PRTG: variants seen among roughly 807,000 people sequenced by gnomAD.
The protein encoded by PRTG is immunoglobulin superfamily, DCC subclass, member 5.
In PRTG, 67 loss-of-function variants were observed where a neutral mutation model predicts 122.5. The ratio of observed to expected loss-of-function variants is 0.55; its 90% CI spans 0.45 to 0.67. The LOEUF is 0.67. PRTG is among the 30% of genes least tolerant of loss of function. The pLI is 0.00. For synonymous variants in PRTG, 554 were observed against 501.1 expected (o/e 1.11, Z -1.41); for missense variants, 1,435 against 1,415.4 (o/e 1.01, Z -0.22).
chr15:55,642,098 C>T lies in PRTG; in HGVS notation c.2042-890G>A, dbSNP rs2059294115. On this transcript the variant is annotated intron_variant, in intron 11 of 19. Coordinates refer to ENST00000389286, the MANE Select transcript of PRTG (RefSeq NM_173814.6). The stretch of plus-strand genomic sequence containing the variant: ...CTGAGGCAGGAGAATGGCGTGAACC[C>T]GGGAAGCGGAGCTTGCAGTGAGCCG... 4.2e-5 allele frequency among the ~76,000 whole-genome samples: 6 copies of T among 143,700 alleles called. No homozygotes were observed. In the Admixed American group the frequency reaches 4.3e-4, roughly 10 times the overall value. The allele number at this position is 143,700 out of a possible 152,430, so 94.3% of individuals were successfully genotyped here.
At chr15:55,626,943 T>G in intron 17 of PRTG, 65 bp downstream of exon 17, 2 of 1,483,636 alleles carry the variant, frequency 1.3e-6, no homozygotes. Flanking sequence ...GACTTTCATT[T>G]GTTTCCTGTG....
chr15:55,660,566 T>A (rs1048630151), intron 11 of PRTG, among the ~76,000 whole-genome samples: 15 of 152,230 alleles, frequency 9.9e-5, no homozygotes, highest in African/African-American at 3.4e-4. Context: ...CATTTTACCA[T>A]GCTTACAGAC....
At chr15:55,627,492 G>GTTT (rs35022592) in intron 16 of PRTG, among the ~76,000 whole-genome samples, 82 of 104,786 alleles carry the variant, frequency 7.8e-4, no homozygotes, top group Middle Eastern at 4.8e-3. Context: ...GCCCAGCTAA[G>GTTT]TTTTTTTTTT....
At chr15:55,670,174 A>G (rs911737575) in intron 11 of PRTG, among the ~76,000 whole-genome samples, 2 of 152,156 alleles carry the variant, frequency 1.3e-5, no homozygotes, top group Non-Finnish European at 2.9e-5. Context: ...ATGTATCTGT[A>G]GAAAATTTTG....
Position 55,675,693 on chromosome 15 carries a change from A to G in PRTG, c.1382-10T>C. The G allele has an allele frequency of 6.6e-7, 1 of 1,504,166 alleles. No homozygotes were observed. Among genetic ancestry groups the G allele is most frequent in the Non-Finnish European group, 9.2e-7 (1 of 1,086,418 alleles). 93.2% of individuals were successfully genotyped at this position (1,504,166 alleles called of 1,614,324 possible). A position where few individuals can be genotyped will look rare whatever the true frequency, so the allele number is the denominator to read the frequency against. Reference sequence around the variant, plus strand: ...TCTTCATTATTTAAACCTAAATTAAAGAATCCATGTTTTAAAATGACAGAT... The same window carrying G: ...TCTTCATTATTTAAACCTAAATTAAGGAATCCATGTTTTAAAATGACAGAT... On this transcript the variant is annotated splice_polypyrimidine_tract_variant and intron_variant, in intron 8 of 19. Coordinates refer to ENST00000389286, the MANE Select transcript of PRTG (RefSeq NM_173814.6).
chr15:55,635,408 G>C (rs988925532), intron 15 of PRTG, among the ~76,000 whole-genome samples: 12 of 152,122 alleles, frequency 7.9e-5, no homozygotes, highest in Non-Finnish European at 1.5e-4. Flanking sequence ...GCCGTTTTTA[G>C]ACTACTCAGA....
At chr15:55,673,269 AT>A in intron 10 of PRTG, 101 bp downstream of exon 10, 1 of 906,162 alleles carries the variant, frequency 1.1e-6, no homozygotes, top group East Asian at 2.7e-5. Context: ...GAATATTTTT[AT>A]TTGTAAAACA....
At chr15:55,707,422 A>G (rs1239642477) in intron 2 of PRTG, among the ~76,000 whole-genome samples, 2 of 152,234 alleles carry the variant, frequency 1.3e-5, no homozygotes, top group African/African-American at 2.4e-5. Flanking sequence ...GACATACTCT[A>G]TGCCTGTTAA....
chr15:55,733,014 A>C (rs1341401908), intron 2 of PRTG, among the ~76,000 whole-genome samples: 1 of 151,964 alleles, frequency 6.6e-6, no homozygotes, highest in Non-Finnish European at 1.5e-5. Context: ...GATCGAGACC[A>C]TTCTGGTCAC....
At chr15:55,669,712 C>A (rs1157346428) in intron 11 of PRTG, among the ~76,000 whole-genome samples, 1 of 152,226 alleles carries the variant, frequency 6.6e-6, no homozygotes, top group Admixed American at 6.5e-5. Flanking sequence ...ATCCACACAA[C>A]TGCATCTCTG....
At chr15:55,669,991 A>T (rs989914370) in intron 11 of PRTG, among the ~76,000 whole-genome samples, 3 of 152,362 alleles carry the variant, frequency 2.0e-5, no homozygotes, top group African/African-American at 7.2e-5. Context: ...ACATAAAAAC[A>T]AGGGCAGGAA....
At chr15:55,742,810 A>T (rs1399593390) in intron 1 of PRTG, 28 bp downstream of exon 1, 1 of 1,540,258 alleles carries the variant, frequency 6.5e-7, no homozygotes, top group Non-Finnish European at 8.8e-7. Context: ...CCACAGCGGT[A>T]AGAGAAAGCA....
intron 2 of PRTG, among the ~76,000 whole-genome samples, chr15:55,684,260 C>T (rs2059557833): frequency 6.6e-6 from 1 of 152,168 alleles, no homozygotes; most frequent in Non-Finnish European, 1.5e-5. Flanking sequence ...ACTTCAAATA[C>T]TATTGTATAT....
chr15:55,681,623 ATTGT>A (rs1174373877), intron 4 of PRTG, among the ~76,000 whole-genome samples: 1 of 152,158 alleles, frequency 6.6e-6, no homozygotes, highest in Non-Finnish European at 1.5e-5. Flanking sequence ...GTTTTTAAAA[ATTGT>A]TTAATATAGA....
chr15:55,719,255 T>C (rs2030719301), intron 2 of PRTG, among the ~76,000 whole-genome samples: 1 of 152,212 alleles, frequency 6.6e-6, no homozygotes, highest in South Asian at 2.1e-4. Context: ...TACAAGTTAA[T>C]GAGAAATTGT....
chr15:55,675,429 G>C, intron 9 of PRTG, 90 bp downstream of exon 9: 1 of 944,816 alleles, frequency 1.1e-6, no homozygotes, highest in Non-Finnish European at 1.5e-6. Flanking sequence ...ACCAAAAAGA[G>C]GATATTTTCT....
At chr15:55,661,416 C>T (rs1227226788) in intron 11 of PRTG, among the ~76,000 whole-genome samples, 1 of 152,136 alleles carries the variant, frequency 6.6e-6, no homozygotes, top group Non-Finnish European at 1.5e-5. Context: ...TCCTCATATC[C>T]TGCTTATTTT....
At chr15:55,659,927 A>AAAAC (rs2059400346) in intron 11 of PRTG, among the ~76,000 whole-genome samples, 1 of 150,068 alleles carries the variant, frequency 6.7e-6, no homozygotes, top group Admixed American at 6.7e-5. Flanking sequence ...AAAAAGTCTC[A>AAAAC]AAAACAAAAC....
chr15:55,685,247 A>C (rs868739316), intron 2 of PRTG, among the ~76,000 whole-genome samples: 1 of 152,196 alleles, frequency 6.6e-6, no homozygotes, highest in African/African-American at 2.4e-5. Flanking sequence ...AAGGCTAACA[A>C]ATTCTGCCTT....
Sources: allele counts gnomAD v4.1 joint callset (sites outside exome capture counted in the v4.1 genomes callset), GRCh38; gene constraint gnomAD v4.1.1; transcripts MANE v1.5; gene names NCBI Gene and HGNC (gene_info 2026-07-23, HGNC 2026-07-21).